Variants in ALDH1A2 observed in about 807,000 individuals in gnomAD.
The protein encoded by ALDH1A2 is retinal dehydrogenase 2.
Under a neutral mutation model 60.3 loss-of-function variants are expected in ALDH1A2, and 27 were observed. The ratio of observed to expected loss-of-function variants is 0.45; its 90% confidence interval spans 0.33 to 0.62. The LOEUF is 0.62. Among genes scored for constraint, ALDH1A2 ranks in the 20% least tolerant of loss-of-function variants. The pLI is 0.02. For synonymous variants in ALDH1A2, 289 were observed against 232.4 expected (o/e 1.24, Z -2.21); for missense variants, 581 against 643.8 (o/e 0.90, Z 1.06).
chr15:57,967,975 A>G (rs1270804333), intron 7 of ALDH1A2, among the ~76,000 whole-genome samples: 16 of 152,050 alleles, frequency 1.1e-4, no homozygotes, highest in Non-Finnish European at 1.8e-4. Context: ...GTAAGGGGGA[A>G]CTCACACCGA....
intron 7 of ALDH1A2, among the ~76,000 whole-genome samples, chr15:57,976,286 C>G (rs913018381): frequency 6.6e-6 from 1 of 152,196 alleles, no homozygotes; most frequent in Non-Finnish European, 1.5e-5. Context: ...TCTTCCAGCA[C>G]TGTATTTTTT....
At chr15:58,013,151 G>A (rs1177694579) in intron 3 of ALDH1A2, among the ~76,000 whole-genome samples, 2 of 152,162 alleles carry the variant, frequency 1.3e-5, no homozygotes, top group African/African-American at 4.8e-5. Context: ...CAGGGCAAAC[G>A]GAGCAGAAGT....
At chr15:58,039,633 T>G (rs183006003) in intron 1 of ALDH1A2, among the ~76,000 whole-genome samples, 1 of 151,976 alleles carries the variant, frequency 6.6e-6, no homozygotes, top group East Asian at 1.9e-4. Context: ...CAGAAGTTGC[T>G]GAGGCCATTT....
At chr15:58,057,935 AAAATT>A (rs1595696438) in intron 1 of ALDH1A2, 2 of 798,260 alleles carry the variant, frequency 2.5e-6, no homozygotes, top group East Asian at 7.3e-5. Context: ...AATAAAAATT[AAAATT>A]AAATTTTATA....
chr15:58,033,061 A>G (rs762746608), intron 1 of ALDH1A2, among the ~76,000 whole-genome samples: 11 of 151,994 alleles, frequency 7.2e-5, no homozygotes, highest in African/African-American at 1.2e-4. Flanking sequence ...AGGTTAAAGG[A>G]TACCTATAGT....
At chr15:58,065,454 T>C in intron 1 of ALDH1A2, 80 bp downstream of exon 1, 1 of 1,255,526 alleles carries the variant, frequency 8.0e-7, no homozygotes, top group Non-Finnish European at 1.2e-6. Context: ...CCCGCAGCCC[T>C]CACCCGCTGA....
At position 57,953,448 on chromosome 15, in the gene ALDH1A2, A is replaced by G. The variant is rs1280737757; in HGVS notation, c.*1749T>C. ...AAGGAGTACACAATATAAATGCTTT[A>G]TTGCTAGCACAGAGGTTTCTTTTTA... On this transcript the variant is annotated 3_prime_UTR_variant, in exon 13 of 13. Coordinates refer to ENST00000249750, the MANE Select transcript of ALDH1A2 (RefSeq NM_003888.4). 1.3e-5 allele frequency: 2 copies of G among 152,792 alleles called. No homozygotes were observed. The highest frequency in any genetic ancestry group is 2.9e-5 in the Non-Finnish European group (2 of 68,038). 9.5% of individuals were successfully genotyped at this position (152,792 alleles called of 1,614,324 possible).
chr15:57,988,434 G>A (rs116520364), intron 7 of ALDH1A2, among the ~76,000 whole-genome samples: 1,976 of 152,238 alleles, frequency 0.013, 45 homozygotes, highest in African/African-American at 0.044. Context: ...AATCAAAATG[G>A]GGGATTTTAG....
intron 1 of ALDH1A2, among the ~76,000 whole-genome samples, chr15:58,037,438 C>T (rs1371552886): frequency 6.6e-6 from 1 of 151,598 alleles, no homozygotes; most frequent in African/African-American, 2.4e-5. Context: ...AAGTGGAACT[C>T]ATCTCCCATG....
chr15:58,045,953 T>C (rs948475724), intron 1 of ALDH1A2, among the ~76,000 whole-genome samples: 8 of 152,186 alleles, frequency 5.3e-5, no homozygotes, highest in South Asian at 2.1e-4. Context: ...GAAAAAAATC[T>C]GTTAAGTACA....
At chr15:57,973,188 A>G (rs1225541200) in intron 7 of ALDH1A2, among the ~76,000 whole-genome samples, 1 of 152,158 alleles carries the variant, frequency 6.6e-6, no homozygotes, top group African/African-American at 2.4e-5. Context: ...CAAAATGCAT[A>G]TTGTTTTCCT....
intron 1 of ALDH1A2, among the ~76,000 whole-genome samples, chr15:58,051,318 A>G (rs1047530245): frequency 2.0e-5 from 3 of 152,086 alleles, no homozygotes; most frequent in Non-Finnish European, 2.9e-5. Flanking sequence ...CACATCTAAC[A>G]TTTTGAGAAA....
intron 1 of ALDH1A2, among the ~76,000 whole-genome samples, chr15:58,027,882 A>T (rs1257914346): frequency 6.6e-6 from 1 of 152,176 alleles, no homozygotes; most frequent in Non-Finnish European, 1.5e-5. Flanking sequence ...AAAGCCTCCA[A>T]GAAATATGGG....
In ALDH1A2 at chr15:57,955,282, A is replaced by T; in HGVS notation, c.1485-13T>A. On this transcript the variant is annotated splice_polypyrimidine_tract_variant and intron_variant, in intron 12 of 12. Transcript: ENST00000249750. The stretch of plus-strand genomic sequence containing the variant: ...GCCAAATTCTCCCCTGAAACACAGA[A>T]ATGGGCCGGGTCAGATACCAGAAGT... The T allele has an allele frequency of 6.2e-7, 1 of 1,613,876 alleles. No homozygotes were observed. Among genetic ancestry groups the T allele is most frequent in the Non-Finnish European group, 8.5e-7 (1 of 1,179,912 alleles).
rs781574976 is a variant in ALDH1A2 at position 57,963,873 on chromosome 15, T to C, written c.1086+12A>G. 9 of 1,614,104 alleles carry C rather than the reference T, an allele frequency of 5.6e-6. No individual in the cohort carries two copies. Among genetic ancestry groups the C allele is most frequent in the South Asian group, 5.5e-5 (5 of 91,080 alleles). On this transcript the variant is annotated intron_variant, in intron 9 of 12. Coordinates refer to ENST00000249750, the MANE Select transcript of ALDH1A2 (RefSeq NM_003888.4). ...ATTAAGTAAACAAAGGGAATGGTTA[T>C]GATTTTTCTACCTGGGGACCCTGCT...
rs555318491 is a variant in ALDH1A2 at position 57,973,074 on chromosome 15, A to C, written c.799-7247T>G. On this transcript the variant is annotated intron_variant, in intron 7 of 12. Coordinates refer to ENST00000249750, the MANE Select transcript of ALDH1A2 (RefSeq NM_003888.4). The stretch of plus-strand genomic sequence containing the variant: ...TACAAACATTTGTTTGGCACGAATC[A>C]ATCTGGACTCTGCTGTAGTTTGCTT... Among the ~76,000 whole-genome samples the C allele has an allele frequency of 3.3e-5, 5 of 152,322 alleles. No homozygotes were observed. The South Asian group carries it at 1.0e-3, about 32-fold the overall frequency.
chr15:58,038,444 A>G (rs780925892), intron 1 of ALDH1A2: 1 of 151,780 alleles, frequency 6.6e-6, no homozygotes, highest in African/African-American at 2.4e-5. Context: ...GGCTCCCATG[A>G]GTGATCCATT....
intron 1 of ALDH1A2, among the ~76,000 whole-genome samples, chr15:58,046,281 G>C (rs1193456891): frequency 6.6e-6 from 1 of 151,988 alleles, no homozygotes; most frequent in Non-Finnish European, 1.5e-5. Flanking sequence ...TGACTACGCT[G>C]GTTTATACAA....
In ALDH1A2 at chr15:58,065,705, G is replaced by A; in HGVS notation, c.-55C>T. The A allele has an allele frequency of 1.6e-6, 2 of 1,258,560 alleles. No individual in the cohort carries two copies. The highest frequency in any genetic ancestry group is 2.2e-6 in the Non-Finnish European group (2 of 922,502). The allele number at this position is 1,258,560 out of a possible 1,614,324, so 78.0% of individuals were successfully genotyped here. A position where few individuals can be genotyped will look rare whatever the true frequency, so the allele number is the denominator to read the frequency against. On this transcript the variant is annotated 5_prime_UTR_variant, in exon 1 of 13. Transcript: ENST00000249750. ...GCGTGGGGCAGTGCGGGCTGTGCGC[G>A]CGGTCCGCGGCCCGGGGGCGCGCTC...
Sources: allele counts gnomAD v4.1 joint callset (sites outside exome capture counted in the v4.1 genomes callset), GRCh38; gene constraint gnomAD v4.1.1; transcripts MANE v1.5; gene names NCBI Gene and HGNC (gene_info 2026-07-23, HGNC 2026-07-21).